The following DNAH7 variants were observed in gnomAD, a reference collection of about 807,000 sequenced individuals.
DNAH7 encodes the protein dynein axonemal heavy chain 7, also known as axonemal beta dynein heavy chain 7.
DNAH7 carries 397 observed loss-of-function variants against 444.6 expected under a neutral mutation model. The ratio of observed to expected loss-of-function variants is 0.89; its 90% CI spans 0.82 to 0.97. DNAH7 has a LOEUF of 0.97. Ranked by LOEUF, DNAH7 falls within the 50% of genes least tolerant of loss-of-function variation. The pLI, the probability that DNAH7 is intolerant of heterozygous loss-of-function variation, is 0.00. For missense variants in DNAH7, 4,902 were observed against 4,800.8 expected, an observed-to-expected ratio of 1.02 and a Z score of -0.62; for synonymous variants, 1,636 against 1,624.4, an observed-to-expected ratio of 1.01 and a Z score of -0.17.
intron 34 of DNAH7, among the ~76,000 whole-genome samples, chr2:195,885,723 C>G (rs578035376): frequency 4.1e-4 from 63 of 151,862 alleles, no homozygotes; most frequent in African/African-American, 1.5e-3. Flanking sequence ...TCTATTTATA[C>G]ACACACACAC....
At chr2:195,921,660 T>C (rs1396232611) in intron 24 of DNAH7, among the ~76,000 whole-genome samples, 1 of 152,138 alleles carries the variant, frequency 6.6e-6, no homozygotes, top group Non-Finnish European at 1.5e-5. Flanking sequence ...GCTCAGGTGA[T>C]GGGTGCACCA....
chr2:195,766,503 G>T (rs574075525), intron 61 of DNAH7, among the ~76,000 whole-genome samples: 2 of 152,014 alleles, frequency 1.3e-5, no homozygotes, highest in South Asian at 2.1e-4. Context: ...TGAACTTGTG[G>T]AGTTAGAGAG....
chr2:195,835,012 A>G (rs1344215648), intron 47 of DNAH7, among the ~76,000 whole-genome samples: 2 of 152,178 alleles, frequency 1.3e-5, no homozygotes, highest in African/African-American at 4.8e-5. Context: ...TTGCTTTATG[A>G]TAAGAACAAA....
intron 42 of DNAH7, 76 bp from the exon 43 acceptor site, chr2:195,858,880 G>A (rs1357031878): frequency 2.4e-6 from 3 of 1,266,766 alleles, no homozygotes; most frequent in Non-Finnish European, 3.3e-6. Context: ...AAGTGTTTCT[G>A]AGCTTTCTAG....
At chr2:196,038,507 A>G (rs1247758246) in intron 5 of DNAH7, among the ~76,000 whole-genome samples, 1 of 152,142 alleles carries the variant, frequency 6.6e-6, no homozygotes, top group African/African-American at 2.4e-5. Flanking sequence ...TAATATATAT[A>G]AACAGTTGAA....
At chr2:195,938,344 T>TCACACACA (rs68056425) in intron 19 of DNAH7, among the ~76,000 whole-genome samples, 4,464 of 134,082 alleles carry the variant, frequency 0.033, 151 homozygotes, top group East Asian at 0.11. Context: ...AAATAGACAT[T>TCACACACA]CACACACACA....
chr2:195,899,986 A>T (rs569834867), intron 28 of DNAH7, among the ~76,000 whole-genome samples: 18 of 152,216 alleles, frequency 1.2e-4, no homozygotes, highest in African/African-American at 4.3e-4. Context: ...ATATTTGTTT[A>T]TATGTTTATA....
Position 196,068,831 on chromosome 2 carries a change from G to A in DNAH7, c.-120C>T, listed in dbSNP as rs1698579981. 7.7e-7 allele frequency: 1 copy of A among 1,295,454 alleles called. No homozygotes were observed. Among genetic ancestry groups the A allele is most frequent in the Non-Finnish European group, 1.1e-6 (1 of 946,780 alleles). The allele number at this position is 1,295,454 out of a possible 1,614,324, so 80.2% of individuals were successfully genotyped here. On this transcript the variant is annotated 5_prime_UTR_variant, in exon 1 of 65. Coordinates refer to ENST00000312428, the MANE Select transcript of DNAH7 (RefSeq NM_018897.3). ...CGGTCTCAGCTCCCTCCGCACCAGA[G>A]CCGTCTAGCGTCCGGGCAGCGTTTG... is the stretch of plus-strand genomic sequence containing the variant.
chr2:195,791,345 T>C (rs1368410380), intron 57 of DNAH7, among the ~76,000 whole-genome samples: 2 of 141,222 alleles, frequency 1.4e-5, no homozygotes, highest in Admixed American at 7.5e-5. Context: ...CGGGCGCCTG[T>C]AGTCCCAGCT....
chr2:195,957,624 G>A (rs1429082246), intron 18 of DNAH7, among the ~76,000 whole-genome samples, 177 bp from the exon 19 acceptor site: 2 of 145,258 alleles, frequency 1.4e-5, no homozygotes, highest in East Asian at 2.0e-4. Context: ...ATACAATCTT[G>A]TATATAATGT....
At chr2:195,975,255 C>A (rs138854638) in intron 15 of DNAH7, among the ~76,000 whole-genome samples, 1 of 150,864 alleles carries the variant, frequency 6.6e-6, no homozygotes, top group African/African-American at 2.4e-5. Flanking sequence ...CCTGGCCCCC[C>A]GCATCAGCTG....
intron 12 of DNAH7, chr2:195,999,110 T>C: frequency 1.4e-6 from 1 of 717,294 alleles, no homozygotes; most frequent in Non-Finnish European, 2.6e-6. Context: ...CATCTCCATG[T>C]AAAGCCAAGA....
At chr2:195,880,062 A>G (rs182323152) in intron 36 of DNAH7, among the ~76,000 whole-genome samples, 143 of 152,272 alleles carry the variant, frequency 9.4e-4, no homozygotes, top group African/African-American at 3.2e-3. Flanking sequence ...ATAGACATGC[A>G]ATAATTTGAA....
At chr2:195,946,008 G>A (rs1001483239) in intron 19 of DNAH7, among the ~76,000 whole-genome samples, 1 of 152,152 alleles carries the variant, frequency 6.6e-6, no homozygotes, top group African/African-American at 2.4e-5. Flanking sequence ...TGAAAGGAGA[G>A]GAAACTGACA....
At chr2:196,028,736 G>C (rs772185804) in intron 5 of DNAH7, among the ~76,000 whole-genome samples, 1 of 152,132 alleles carries the variant, frequency 6.6e-6, no homozygotes, top group Non-Finnish European at 1.5e-5. Context: ...ATAATTGACT[G>C]TATCATTCTC....
rs766144875 is a variant in DNAH7, at chr2:195,984,686, T to C, written c.1779A>G (p.Ile593Met). 1 of 1,614,030 alleles carries C rather than the reference T, an allele frequency of 6.2e-7. No homozygotes were observed. The highest frequency in any genetic ancestry group is 1.7e-5 in the Admixed American group (1 of 60,024). The stretch of plus-strand genomic sequence containing the variant: ...GAGGAGTGCTAAGAGCTTTTTCAGC[T>C]ATCCTCTCAAATTCATCGCATAATC... ...NTRLCDEFER[I>M]AEKALSTPPN... The change falls in exon 15 of 65, where the codon ATA becomes ATG. Residue 593 changes from isoleucine (I) to methionine (M), a missense_variant. Transcript: ENST00000312428.
rs1369224092 is a variant in DNAH7 at position 195,895,124 on chromosome 2, T to G, written c.4748A>C (p.Gln1583Pro). The G allele has an allele frequency of 6.2e-7, 1 of 1,613,822 alleles. No individual in the cohort carries two copies. Among genetic ancestry groups the G allele is most frequent in the South Asian group, 1.1e-5 (1 of 91,040 alleles). ...CTTCTCGGAAAAGAATGCAGTCATT[T>G]GCAAATTCATGGAGGCACAATTGTC... ...IKDNCASMNL[Q>P]MTAFFSEKIL... Residue 1583 changes from glutamine to proline, a missense_variant, in exon 30 of 65, where the codon CAA becomes CCA. Transcript: ENST00000312428.
intron 5 of DNAH7, among the ~76,000 whole-genome samples, chr2:196,032,223 G>A (rs569872901): frequency 1.3e-5 from 2 of 152,230 alleles, no homozygotes; most frequent in East Asian, 3.9e-4. Context: ...AGAACAGTAC[G>A]GGAGAAACCA....
chr2:196,060,335 A>G (rs551524626), intron 1 of DNAH7, among the ~76,000 whole-genome samples: 1 of 152,272 alleles, frequency 6.6e-6, no homozygotes, highest in East Asian at 1.9e-4. Context: ...TTATCCCCCA[A>G]ACTCTCTTTT....
Sources: allele counts gnomAD v4.1 joint callset (sites outside exome capture counted in the v4.1 genomes callset), GRCh38; gene constraint gnomAD v4.1.1; transcripts MANE v1.5; gene names NCBI Gene and HGNC (gene_info 2026-07-23, HGNC 2026-07-21).